The following ARFIP1 variants were observed in gnomAD, a reference collection of about 807,000 sequenced individuals.
ARFIP1 encodes arfaptin-1.
ARFIP1 carries 24 observed loss-of-function variants against 42.5 expected under a neutral mutation model. The ratio of observed to expected loss-of-function variants is 0.57; its 90% CI spans 0.41 to 0.80. The LOEUF (loss-of-function observed/expected upper bound fraction) is 0.80, where lower values mean the gene tolerates loss of function less well. Ranked by LOEUF, ARFIP1 falls within the 30% of genes least tolerant of loss-of-function variation. ARFIP1 has a pLI of 0.00. For missense variants in ARFIP1, 354 were observed against 434.0 expected (o/e 0.82, Z 1.64); for synonymous variants, 141 against 153.7 (o/e 0.92, Z 0.61).
Position 152,796,235 on chromosome 4 carries a change from G to A in ARFIP1, c.-10+16009G>A, listed in dbSNP as rs191526570. The A allele has an allele frequency of 3.3e-5, 31 of 938,742 alleles. No homozygotes were observed. The East Asian group carries it at 5.3e-4, about 16-fold the overall frequency. The allele number at this position is 938,742 out of a possible 1,614,324, so 58.2% of individuals were successfully genotyped here. Reference sequence around the variant, plus strand: ...CAAAGTTGTATACAGCGGGAATGACGGATTCTTCTTTACACCAAGTATTGG... The same window carrying A: ...CAAAGTTGTATACAGCGGGAATGACAGATTCTTCTTTACACCAAGTATTGG... On this transcript the variant is annotated intron_variant, in intron 1 of 8. Coordinates refer to ENST00000353617, the MANE Select transcript of ARFIP1 (RefSeq NM_001025595.3).
chr4:152,907,745 C>T (rs1272413383), intron 8 of ARFIP1, among the ~76,000 whole-genome samples: 1 of 152,138 alleles, frequency 6.6e-6, no homozygotes, highest in East Asian at 1.9e-4. Context: ...TATATAGTAT[C>T]CCCATTGCGT....
chr4:152,852,944 G>T (rs1405855758), intron 2 of ARFIP1, among the ~76,000 whole-genome samples: 2 of 152,154 alleles, frequency 1.3e-5, no homozygotes, highest in African/African-American at 2.4e-5. Flanking sequence ...GTGATTTTCA[G>T]ATTTTACACC....
intron 1 of ARFIP1, among the ~76,000 whole-genome samples, chr4:152,817,448 T>C (rs1729990721): frequency 6.6e-6 from 1 of 152,158 alleles, no homozygotes; most frequent in Non-Finnish European, 1.5e-5. Flanking sequence ...TCACACCATA[T>C]ACAAAAATTA....
intron 2 of ARFIP1, among the ~76,000 whole-genome samples, chr4:152,853,306 C>T (rs775287131): frequency 2.0e-5 from 3 of 151,982 alleles, no homozygotes; most frequent in African/African-American, 7.3e-5. Context: ...TAAATGTTGC[C>T]CTTTTGCTTC....
At chr4:152,896,839 C>G (rs950395943) in intron 8 of ARFIP1, among the ~76,000 whole-genome samples, 10 of 151,478 alleles carry the variant, frequency 6.6e-5, no homozygotes, top group Admixed American at 5.9e-4. Flanking sequence ...CATGTATTTC[C>G]CAAATATAGT....
At chr4:152,797,368 T>G (rs1731531957) in intron 1 of ARFIP1, among the ~76,000 whole-genome samples, 1 of 152,208 alleles carries the variant, frequency 6.6e-6, no homozygotes, top group Non-Finnish European at 1.5e-5. Context: ...TAGATGTTTT[T>G]TGGTGTTGTA....
At chr4:152,803,430 A>T (rs1376844430) in intron 1 of ARFIP1, among the ~76,000 whole-genome samples, 1 of 152,158 alleles carries the variant, frequency 6.6e-6, no homozygotes, top group Non-Finnish European at 1.5e-5. Context: ...ATTGTCTTAA[A>T]CAGCATTGTA....
chr4:152,784,165 T>C (rs1578789924), intron 1 of ARFIP1, among the ~76,000 whole-genome samples: 1 of 152,348 alleles, frequency 6.6e-6, no homozygotes, highest in East Asian at 1.9e-4. Context: ...CCACTTAATA[T>C]GGAAGTTGAT....
chr4:152,858,220 G>A (rs1360732239), intron 2 of ARFIP1, among the ~76,000 whole-genome samples: 1 of 152,116 alleles, frequency 6.6e-6, no homozygotes, highest in Non-Finnish European at 1.5e-5. Flanking sequence ...CGAGCCCAGG[G>A]GGTGGAGGTT....
chr4:152,852,448 C>T (rs997458271), intron 2 of ARFIP1, among the ~76,000 whole-genome samples: 1 of 151,914 alleles, frequency 6.6e-6, no homozygotes, highest in African/African-American at 2.4e-5. Context: ...CTGGGCAACA[C>T]GGTGAAACCC....
chr4:152,905,552 T>G (rs1463925170), intron 8 of ARFIP1, among the ~76,000 whole-genome samples: 13 of 108,630 alleles, frequency 1.2e-4, no homozygotes, highest in Non-Finnish European at 2.5e-4. Flanking sequence ...ATTGTTTTTT[T>G]TTTTTTTTTT....
At chr4:152,781,486 C>T (rs1432827855) in intron 1 of ARFIP1, among the ~76,000 whole-genome samples, 1 of 152,204 alleles carries the variant, frequency 6.6e-6, no homozygotes, top group African/African-American at 2.4e-5. Flanking sequence ...ATCCTCCCTC[C>T]TCGGCCTCCC....
intron 2 of ARFIP1, among the ~76,000 whole-genome samples, chr4:152,851,896 C>T (rs1396067075): frequency 2.0e-5 from 3 of 152,096 alleles, no homozygotes; most frequent in Non-Finnish European, 4.4e-5. Context: ...TTAAAATATG[C>T]AAAATGGAGA....
chr4:152,805,665 G>A (rs1327332548), intron 1 of ARFIP1, among the ~76,000 whole-genome samples: 1 of 152,168 alleles, frequency 6.6e-6, no homozygotes, highest in African/African-American at 2.4e-5. Flanking sequence ...CTAGAGCTTG[G>A]GAAAGAATAG....
chr4:152,851,568 A>C (rs1427212021), intron 2 of ARFIP1, among the ~76,000 whole-genome samples: 2 of 152,204 alleles, frequency 1.3e-5, no homozygotes, highest in African/African-American at 4.8e-5. Context: ...TTTACCTAAA[A>C]GGCAATGGAG....
intron 1 of ARFIP1, chr4:152,796,599 CTT>C: frequency 1.1e-6 from 1 of 872,146 alleles, no homozygotes; most frequent in East Asian, 2.4e-5. Flanking sequence ...CCTGTGGAAT[CTT>C]TTCATCATTC....
Position 152,803,236 on chromosome 4 carries a change from C to T in ARFIP1, c.-10+23010C>T, listed in dbSNP as rs1419921091. Among the ~76,000 whole-genome samples the T allele has an allele frequency of 2.0e-5, 3 of 152,090 alleles. No individual in the cohort carries two copies. In the East Asian group the frequency reaches 5.8e-4, roughly 29 times the overall value. On this transcript the variant is annotated intron_variant, in intron 1 of 8. Coordinates refer to ENST00000353617, the MANE Select transcript of ARFIP1 (RefSeq NM_001025595.3). Reference sequence around the variant, plus strand: ...AAGTTTGCTGGAGTGCTGTTTGGTCCACCAAAGGACAGGAGGGAAGCTGTT... The same window carrying T: ...AAGTTTGCTGGAGTGCTGTTTGGTCTACCAAAGGACAGGAGGGAAGCTGTT...
intron 1 of ARFIP1, among the ~76,000 whole-genome samples, chr4:152,790,526 C>T (rs1431173086): frequency 1.3e-5 from 2 of 152,176 alleles, no homozygotes; most frequent in African/African-American, 2.4e-5. Context: ...TTCTCTGTAA[C>T]ACAGTCTGAG....
chr4:152,810,925 ATGT>A (rs1473331828), intron 1 of ARFIP1, among the ~76,000 whole-genome samples: 1 of 151,864 alleles, frequency 6.6e-6, no homozygotes, highest in Non-Finnish European at 1.5e-5. Flanking sequence ...CTACTATATG[ATGT>A]TGTGCTGCAG....
Sources: allele counts gnomAD v4.1 joint callset (sites outside exome capture counted in the v4.1 genomes callset), GRCh38; gene constraint gnomAD v4.1.1; transcripts MANE v1.5; gene names NCBI Gene and HGNC (gene_info 2026-07-23, HGNC 2026-07-21).